Variants in ATP5F1C observed in about 807,000 individuals in gnomAD.
ATP5F1C encodes ATP synthase F(1) complex subunit gamma, mitochondrial.
ATP5F1C carries 22 observed loss-of-function variants against 37.4 expected under a neutral mutation model. The ratio of observed to expected loss-of-function variants is 0.59; its 90% CI spans 0.42 to 0.84. ATP5F1C has a LOEUF of 0.84. Ranked by LOEUF, ATP5F1C falls within the 40% of genes least tolerant of loss-of-function variation. ATP5F1C has a pLI of 0.00. For synonymous variants in ATP5F1C, 121 were observed against 128.0 expected (o/e 0.95, Z 0.37); for missense variants, 286 against 362.4 (o/e 0.79, Z 1.71).
At chr10:7,800,181 T>C (rs1043902953) in intron 6 of ATP5F1C, 90 bp downstream of exon 6, 1 of 1,287,920 alleles carries the variant, frequency 7.8e-7, no homozygotes, top group Non-Finnish European at 1.1e-6. Flanking sequence ...TATCTGGTGG[T>C]AGCTATAGCA....
intron 6 of ATP5F1C, among the ~76,000 whole-genome samples, chr10:7,801,978 C>T (rs1186450277): frequency 2.0e-5 from 3 of 152,292 alleles, no homozygotes; most frequent in Non-Finnish European, 4.4e-5. Context: ...GTCCAGAGGG[C>T]TTCATAACCA....
intron 2 of ATP5F1C, 116 bp from the exon 3 acceptor site, chr10:7,796,931 A>T: frequency 3.4e-6 from 4 of 1,166,842 alleles, no homozygotes; most frequent in South Asian, 1.6e-5. Flanking sequence ...CGTGCTGTTT[A>T]TTGTTTATCT....
chr10:7,798,453 A>T (rs560376073), intron 3 of ATP5F1C, among the ~76,000 whole-genome samples: 2 of 150,200 alleles, frequency 1.3e-5, no homozygotes, highest in African/African-American at 4.9e-5. Flanking sequence ...GTCTCCCGGG[A>T]TGGAGTGCAG....
intron 3 of ATP5F1C, 63 bp downstream of exon 3, chr10:7,797,241 G>A: frequency 1.3e-6 from 2 of 1,586,004 alleles, no homozygotes; most frequent in East Asian, 2.3e-5. Context: ...GACTACTGAT[G>A]ACTTACATTT....
At chr10:7,794,917 C>T (rs959751942) in intron 1 of ATP5F1C, among the ~76,000 whole-genome samples, 1 of 152,172 alleles carries the variant, frequency 6.6e-6, no homozygotes, top group Non-Finnish European at 1.5e-5. Context: ...AATCTAGTCT[C>T]CTATTGCTTT....
chr10:7,789,900 A>G (rs528357692), intron 1 of ATP5F1C, among the ~76,000 whole-genome samples: 7 of 152,262 alleles, frequency 4.6e-5, no homozygotes, highest in Non-Finnish European at 8.8e-5. Flanking sequence ...TCAGTTCAAG[A>G]CAACTACTGT....
chr10:7,798,996 A>G lies in ATP5F1C; in HGVS notation c.230A>G (p.Tyr77Cys), dbSNP rs1242340994. The G allele has an allele frequency of 1.9e-6, 3 of 1,611,946 alleles. No homozygotes were observed. The highest frequency in any genetic ancestry group is 3.3e-5 in the Admixed American group (2 of 59,984). The change falls in exon 4 of 10, where the codon TAT becomes TGT. Residue 77 changes from tyrosine (Y) to cysteine (C), a missense_variant. Physicochemically the swap from Tyr to Cys is radical, Grantham distance 194. Coordinates refer to ENST00000356708, the MANE Select transcript of ATP5F1C (RefSeq NM_001001973.3). ...GCTTTTGTTTGTTTTTAAGCTCTGTATGAAAAAGCTGATATCAAGGGGCCT... is the reference window on the plus strand; with the variant it reads ...GCTTTTGTTTGTTTTTAAGCTCTGTGTGAAAAAGCTGATATCAAGGGGCCT... ...RIYGLGSLAL[Y>C]EKADIKGPED...
intron 6 of ATP5F1C, 34 bp downstream of exon 6, chr10:7,800,125 C>T (rs754210936): frequency 6.3e-7 from 1 of 1,591,308 alleles, no homozygotes; most frequent in Non-Finnish European, 8.6e-7. Flanking sequence ...TATTTTTTGG[C>T]ATATAGAATG....
At chr10:7,792,465 A>C (rs1221241795) in intron 1 of ATP5F1C, among the ~76,000 whole-genome samples, 2 of 152,186 alleles carry the variant, frequency 1.3e-5, no homozygotes, top group Admixed American at 1.3e-4. Context: ...ACATGTATCC[A>C]CCATTACAAT....
chr10:7,800,218 G>A, intron 6 of ATP5F1C, 127 bp downstream of exon 6: 2 of 1,009,418 alleles, frequency 2.0e-6, no homozygotes, highest in Non-Finnish European at 3.0e-6. Context: ...TTCTTTTTTA[G>A]ATGGAATCTT....
At chr10:7,794,351 A>G (rs537409513) in intron 1 of ATP5F1C, among the ~76,000 whole-genome samples, 8 of 152,274 alleles carry the variant, frequency 5.3e-5, no homozygotes, top group South Asian at 2.1e-4. Flanking sequence ...TCAAATTTCT[A>G]TGCCTCTTAT....
In ATP5F1C at chr10:7,807,716, C is replaced by A; in HGVS notation, c.*88C>A. On this transcript the variant is annotated 3_prime_UTR_variant, in exon 10 of 10. Coordinates refer to ENST00000356708, the MANE Select transcript of ATP5F1C (RefSeq NM_001001973.3). ...TTTTTAGCTTACTGCTGCCTTTGTC[C>A]GAAGAAACTGTTCCTCCATTATTTG... 6.3e-7 allele frequency: 1 copy of A among 1,580,840 alleles called. No homozygotes were observed. The highest frequency in any genetic ancestry group is 1.2e-5 in the South Asian group (1 of 85,996).
intron 1 of ATP5F1C, among the ~76,000 whole-genome samples, chr10:7,791,804 T>G (rs1199319300): frequency 6.6e-6 from 1 of 152,222 alleles, no homozygotes. Flanking sequence ...CATAGACGTC[T>G]TCAGAATTAA....
intron 7 of ATP5F1C, 114 bp downstream of exon 7, chr10:7,802,539 T>C: frequency 2.7e-5 from 35 of 1,298,144 alleles, no homozygotes; most frequent in Non-Finnish European, 3.7e-5. Flanking sequence ...ATGATATTCC[T>C]GTACCTGTAA....
chr10:7,804,795 G>T (rs1836441826), intron 8 of ATP5F1C, among the ~76,000 whole-genome samples: 1 of 152,196 alleles, frequency 6.6e-6, no homozygotes. Context: ...ATTCAGAACT[G>T]GAAGTTCAGA....
At chr10:7,788,602 A>T (rs978937094) in intron 1 of ATP5F1C, among the ~76,000 whole-genome samples, 5 of 152,058 alleles carry the variant, frequency 3.3e-5, no homozygotes, top group African/African-American at 9.7e-5. Context: ...TTCCACTTCC[A>T]CTGCAAGCCA....
intron 3 of ATP5F1C, among the ~76,000 whole-genome samples, chr10:7,797,413 A>G (rs1836261762): frequency 6.6e-6 from 1 of 152,228 alleles, no homozygotes; most frequent in Non-Finnish European, 1.5e-5. Flanking sequence ...CACAGAAGTT[A>G]AGTAACTTGC....
At chr10:7,803,361 C>T (rs1332830868) in intron 8 of ATP5F1C, among the ~76,000 whole-genome samples, 1 of 152,158 alleles carries the variant, frequency 6.6e-6, no homozygotes, top group Non-Finnish European at 1.5e-5. Context: ...CCCCAGGATA[C>T]CAAAATCTGA....
At chr10:7,803,702 A>G (rs1305598728) in intron 8 of ATP5F1C, among the ~76,000 whole-genome samples, 4 of 152,230 alleles carry the variant, frequency 2.6e-5, no homozygotes, top group Admixed American at 2.0e-4. Flanking sequence ...CACTATGTGC[A>G]CAGTACAGTG....
Sources: allele counts gnomAD v4.1 joint callset (sites outside exome capture counted in the v4.1 genomes callset), GRCh38; gene constraint gnomAD v4.1.1; transcripts MANE v1.5; gene names NCBI Gene and HGNC (gene_info 2026-07-23, HGNC 2026-07-21).